Variants in HNF1A observed in about 807,000 individuals in gnomAD.
HNF1A encodes the protein HNF1 homeobox A, also known as hepatocyte nuclear factor 1-alpha.
In HNF1A, 21 loss-of-function variants were observed where a neutral mutation model predicts 62.2. The observed-to-expected ratio is 0.34, with a 90% confidence interval of 0.24 to 0.49. The LOEUF (loss-of-function observed/expected upper bound fraction) is 0.49. Among genes scored for constraint, HNF1A ranks in the 20% least tolerant of loss-of-function variants. HNF1A has a pLI of 0.99. For missense variants in HNF1A, 687 were observed against 832.3 expected (o/e 0.83, Z 2.15); for synonymous variants, 374 against 366.8 (o/e 1.02, Z -0.22).
intron 7 of HNF1A, 29 bp downstream of exon 7, chr12:120,997,694 AGAT>A: frequency 3.8e-6 from 6 of 1,589,928 alleles, no homozygotes; most frequent in Non-Finnish European, 4.3e-6. Context: ...ACACAGCAGG[AGAT>A]GATGATAGAG....
Position 121,001,218 on chromosome 12 carries a change from G to C in HNF1A, c.*26G>C. 1 of 1,612,990 alleles carries C rather than the reference G, an allele frequency of 6.2e-7. No homozygotes were observed. The highest frequency in any genetic ancestry group is 8.5e-7 in the Non-Finnish European group (1 of 1,179,656). On this transcript the variant is annotated 3_prime_UTR_variant, in exon 10 of 10. Coordinates refer to ENST00000257555, the MANE Select transcript of HNF1A (RefSeq NM_000545.8). ...CCACGGCACCTGGGCCCTGGGGCCT[G>C]TACTGCCTGCTTGGGGGGTGATGAG... is the stretch of plus-strand genomic sequence containing the variant.
chr12:120,991,659 G>A (rs745358370), intron 2 of HNF1A, among the ~76,000 whole-genome samples: 1 of 151,984 alleles, frequency 6.6e-6, no homozygotes, highest in Non-Finnish European at 1.5e-5. Context: ...ATGCATGCAT[G>A]CAATAGACAA....
In HNF1A at chr12:120,997,454, T is replaced by G; in HGVS notation, c.1310-20T>G. ...GATATAACTGGGGGGCCCAGCTGAT[T>G]CCCTCCCCTTCCACTCCAGGCCTGG... On this transcript the variant is annotated intron_variant, in intron 6 of 9. Coordinates refer to ENST00000257555, the MANE Select transcript of HNF1A (RefSeq NM_000545.8). 1 of 1,591,886 alleles carries G rather than the reference T, an allele frequency of 6.3e-7. No individual in the cohort carries two copies.
rs1333832320 is a variant in HNF1A, at chr12:121,001,902, G to C, written c.*710G>C. 1.9e-6 allele frequency: 1 copy of C among 513,450 alleles called. No homozygotes were observed. The highest frequency in any genetic ancestry group is 3.8e-6 in the Non-Finnish European group (1 of 264,352). The allele number at this position is 513,450 out of a possible 1,614,324, so 31.8% of individuals were successfully genotyped here. A position where few individuals can be genotyped will look rare whatever the true frequency, so the allele number is the denominator to read the frequency against. ...AGGCCCCATGACCTCCAGCTTTCCT[G>C]TATTTGTTCCCAAGAGCATCATGCC... On this transcript the variant is annotated 3_prime_UTR_variant, in exon 10 of 10. Coordinates refer to ENST00000257555, the MANE Select transcript of HNF1A (RefSeq NM_000545.8).
intron 1 of HNF1A, among the ~76,000 whole-genome samples, chr12:120,982,467 G>GCA (rs113046785): frequency 6.5e-5 from 9 of 138,436 alleles, no homozygotes; most frequent in Non-Finnish European, 1.1e-4. Context: ...AGGAGGGGGG[G>GCA]GGGACAGAGG....
rs747159467 is a variant in HNF1A at position 120,978,982 on chromosome 12, G to T, written c.214G>T (p.Asp72Tyr). 1.9e-6 allele frequency: 3 copies of T among 1,607,788 alleles called. No homozygotes were observed. Among genetic ancestry groups the T allele is most frequent in the East Asian group, 2.2e-5 (1 of 44,704 alleles). The change falls in exon 1 of 10, where the codon GAC becomes TAC. Residue 72 changes from aspartate (D) to tyrosine (Y), a missense_variant. Coordinates refer to ENST00000257555, the MANE Select transcript of HNF1A (RefSeq NM_000545.8). ...NGLGETRGSEDETDDDGEDFT... is the reference protein window; with the variant it reads ...NGLGETRGSEYETDDDGEDFT... ...GCTGGGGGAGACTCGGGGCTCCGAG[G>T]ACGAGACGGACGACGATGGGGAAGA...
rs369764257 is a variant in HNF1A, at chr12:120,996,283, C to A, written c.977C>A (p.Ala326Glu). The A allele has an allele frequency of 6.2e-7, 1 of 1,614,004 alleles. No individual in the cohort carries two copies. Among genetic ancestry groups the A allele is most frequent in the East Asian group, 2.2e-5 (1 of 44,888 alleles). ...KVHGVRYGQP[A>E]TSETAEVPSS... ...CCAGGTGTGCGCTATGGACAGCCTG[C>A]GACCAGTGAGACTGCAGAAGTACCC... Residue 326 changes from alanine (A) to glutamate (E), a missense_variant, in exon 5 of 10, where the codon GCG (alanine) becomes GAG (glutamate). By Grantham distance (107) the Ala-to-Glu change is moderately radical. Transcript: ENST00000257555. The surrounding 1 kb of genome is among the most constrained non-coding windows in gnomAD (Gnocchi z 4.5).
intron 1 of HNF1A, among the ~76,000 whole-genome samples, chr12:120,981,352 G>A (rs1341487128): frequency 6.6e-6 from 1 of 152,186 alleles, no homozygotes; most frequent in Non-Finnish European, 1.5e-5. Flanking sequence ...AGGAACCTGA[G>A]CTCTTTCTTC....
chr12:120,989,096 G>T, intron 2 of HNF1A, 64 bp downstream of exon 2: 3 of 1,492,618 alleles, frequency 2.0e-6, no homozygotes, highest in Non-Finnish European at 2.8e-6. Flanking sequence ...TAACTCATAG[G>T]TGGGGGCTGG....
In HNF1A at chr12:121,001,308, C is replaced by T; in HGVS notation, c.*116C>T. On this transcript the variant is annotated 3_prime_UTR_variant, in exon 10 of 10. Coordinates refer to ENST00000257555, the MANE Select transcript of HNF1A (RefSeq NM_000545.8). ...AGCAACCGTGGCCCTTCCTGGACAG[C>T]TGTGCCTCGCTCCCCACTCTGCTCT... 1 of 1,253,084 alleles carries T rather than the reference C, an allele frequency of 8.0e-7. No homozygotes were observed. The highest frequency in any genetic ancestry group is 1.1e-6 in the Non-Finnish European group (1 of 889,092). 77.6% of individuals were successfully genotyped at this position (1,253,084 alleles called of 1,614,324 possible).
intron 2 of HNF1A, among the ~76,000 whole-genome samples, chr12:120,990,671 T>TAGGAAAGGGAGGAAGGA (rs1565884574): frequency 1.0e-5 from 1 of 99,108 alleles, no homozygotes; most frequent in Non-Finnish European, 2.0e-5. Flanking sequence ...GGAGGAAAGG[T>TAGGAAAGGGAGGAAGGA]AGGAAAGGGA....
At chr12:120,995,853 C>T (rs933218627) in intron 4 of HNF1A, among the ~76,000 whole-genome samples, 2 of 152,158 alleles carry the variant, frequency 1.3e-5, no homozygotes, top group Non-Finnish European at 2.9e-5. Flanking sequence ...CTACTCCACA[C>T]CATCCACTCC....
In HNF1A at chr12:120,996,328, T is replaced by C; in HGVS notation, c.1022T>C (p.Leu341Ser). ...GTACCCTCAAGCAGCGGCGGTCCCT[T>C]AGTGACAGTGTCTACACCCCTCCAC... ...AEVPSSSGGP[L>S]VTVSTPLHQV... Residue 341 changes from leucine (L) to serine (S), a missense_variant, in exon 5 of 10, where the codon TTA (leucine) becomes TCA (serine). This residue lies in a region of HNF1A where 408 missense variants were observed against 455.3 expected (regional missense o/e 0.90). Transcript: ENST00000257555. This position sits in a 1 kb window ranked among gnomAD's most constrained non-coding sequence, Gnocchi z 4.5. 1 of 1,613,996 alleles carries C rather than the reference T, an allele frequency of 6.2e-7. No individual in the cohort carries two copies. The highest frequency in any genetic ancestry group is 8.5e-7 in the Non-Finnish European group (1 of 1,179,972).
At chr12:120,993,445 A>G in intron 2 of HNF1A, 75 bp from the exon 3 acceptor site, 1 of 1,462,330 alleles carries the variant, frequency 6.8e-7, no homozygotes, top group South Asian at 1.2e-5. Flanking sequence ...GAAAGAATCA[A>G]GGGCAAGGTC....
chr12:121,001,891 C>T lies in HNF1A; in HGVS notation c.*699C>T. ...TTCCCTCTCCCAGGCCCCATGACCT[C>T]CAGCTTTCCTGTATTTGTTCCCAAG... is the stretch of plus-strand genomic sequence containing the variant. On this transcript the variant is annotated 3_prime_UTR_variant, in exon 10 of 10. Transcript: ENST00000257555. 1.9e-6 allele frequency: 1 copy of T among 512,904 alleles called. No individual in the cohort carries two copies. Among genetic ancestry groups the T allele is most frequent in the South Asian group, 1.6e-5 (1 of 61,664 alleles). 31.8% of individuals were successfully genotyped at this position (512,904 alleles called of 1,614,324 possible).
intron 7 of HNF1A, among the ~76,000 whole-genome samples, chr12:120,998,486 A>G (rs1381728880): frequency 6.6e-6 from 1 of 152,116 alleles, no homozygotes; most frequent in African/African-American, 2.4e-5. Context: ...CTCTAGTGCC[A>G]ATCTTAAGGA....
In HNF1A at chr12:120,999,573, C is replaced by T; in HGVS notation, c.1714C>T (p.Pro572Ser). ...ATTLHVPSQD[P>S]ASIQHLQPAH... ...CACCCTCCACGTCCCCAGCCAGGAC[C>T]CTGCCAGCATCCAGCACCTGCAGCC... Residue 572 changes from proline to serine, a missense_variant, in exon 9 of 10, where the codon CCT (proline) becomes TCT (serine). By Grantham distance (74) the Pro-to-Ser change is moderately conservative. Around this residue, in one of 5 missense-constraint regions of HNF1A, gnomAD observed 408 missense variants for 455.3 expected, o/e 0.90. Coordinates refer to ENST00000257555, the MANE Select transcript of HNF1A (RefSeq NM_000545.8). 1 of 1,612,882 alleles carries T rather than the reference C, an allele frequency of 6.2e-7. No homozygotes were observed. The highest frequency in any genetic ancestry group is 8.5e-7 in the Non-Finnish European group (1 of 1,179,806).
Position 121,001,388 on chromosome 12 carries a change from G to C in HNF1A, c.*196G>C. 1 of 663,784 alleles carries C rather than the reference G, an allele frequency of 1.5e-6. No homozygotes were observed. Among genetic ancestry groups the C allele is most frequent in the South Asian group, 1.9e-5 (1 of 53,844 alleles). The allele number at this position is 663,784 out of a possible 1,614,324, so 41.1% of individuals were successfully genotyped here. A position where few individuals can be genotyped will look rare whatever the true frequency, so the allele number is the denominator to read the frequency against. On this transcript the variant is annotated 3_prime_UTR_variant, in exon 10 of 10. Transcript: ENST00000257555. ...GCCCCAACCCGTGGAGGCTGCTCGG[G>C]GTGCACAGGAGGGGGTCGTGGAGAG... is the stretch of plus-strand genomic sequence containing the variant.
intron 1 of HNF1A, among the ~76,000 whole-genome samples, chr12:120,987,141 G>A (rs371141604): frequency 6.6e-6 from 1 of 152,108 alleles, no homozygotes; most frequent in East Asian, 1.9e-4. Context: ...GGTACTATGA[G>A]GCCTCTGAAT....
Sources: allele counts gnomAD v4.1 joint callset (sites outside exome capture counted in the v4.1 genomes callset), GRCh38; gene constraint gnomAD v4.1.1; regional missense constraint gnomAD v4.1.1; non-coding constraint Gnocchi (gnomAD v3.1); transcripts MANE v1.5; gene names NCBI Gene and HGNC (gene_info 2026-07-23, HGNC 2026-07-21).